Variants in TRAPPC9 observed in about 807,000 individuals in gnomAD.
TRAPPC9 encodes trafficking protein particle complex subunit 9.
In TRAPPC9, 83 loss-of-function variants were observed where a neutral mutation model predicts 124.0. The observed-to-expected ratio is 0.67, with a 90% confidence interval of 0.56 to 0.80. The LOEUF (loss-of-function observed/expected upper bound fraction) is 0.80. Among genes scored for constraint, TRAPPC9 ranks in the 30% least tolerant of loss-of-function variants. TRAPPC9 has a pLI of 0.00. For missense variants in TRAPPC9, 1,302 were observed against 1,508.3 expected (o/e 0.86, Z 2.27); for synonymous variants, 638 against 617.5 (o/e 1.03, Z -0.49).
chr8:140,052,449 C>A (rs544534020), intron 17 of TRAPPC9, among the ~76,000 whole-genome samples: 10 of 152,074 alleles, frequency 6.6e-5, no homozygotes, highest in Non-Finnish European at 8.8e-5. Context: ...CCAGCCTGGG[C>A]AATATGGCAA....
At chr8:139,892,099 G>T (rs907341205) in intron 20 of TRAPPC9, among the ~76,000 whole-genome samples, 1 of 152,196 alleles carries the variant, frequency 6.6e-6, no homozygotes, top group East Asian at 1.9e-4. Context: ...TACATGGGCC[G>T]CCACAAGCAC....
At chr8:140,136,650 C>T (rs1218824717) in intron 17 of TRAPPC9, among the ~76,000 whole-genome samples, 1 of 152,092 alleles carries the variant, frequency 6.6e-6, no homozygotes, top group Admixed American at 6.6e-5. Context: ...CCAGCCTGGC[C>T]AATACGGTGA....
intron 19 of TRAPPC9, 43 bp from the exon 20 acceptor site, chr8:139,910,343 G>A: frequency 1.2e-6 from 2 of 1,607,158 alleles, no homozygotes; most frequent in South Asian, 1.1e-5. Context: ...CATCAGTAGG[G>A]CAATTTCTGC....
At chr8:139,896,114 T>G (rs148674152) in intron 20 of TRAPPC9, among the ~76,000 whole-genome samples, 4 of 152,354 alleles carry the variant, frequency 2.6e-5, no homozygotes, top group Admixed American at 2.6e-4. Context: ...ATTACCTGCA[T>G]GCATATCCGA....
chr8:140,287,979 G>A (rs2065540039), intron 12 of TRAPPC9, among the ~76,000 whole-genome samples: 1 of 152,178 alleles, frequency 6.6e-6, no homozygotes. Flanking sequence ...TTTGCTGTCT[G>A]ATATTTATCA....
At position 140,451,395 on chromosome 8, in the gene TRAPPC9, G is replaced by C. The variant is rs536258902; in HGVS notation, c.-10-12C>G. On this transcript the variant is annotated splice_polypyrimidine_tract_variant and intron_variant, in intron 1 of 22. Coordinates refer to ENST00000438773, the MANE Select transcript of TRAPPC9 (RefSeq NM_001160372.4). The stretch of plus-strand genomic sequence containing the variant: ...TCATTTTGAAGTCCCTGTTCAGAGA[G>C]AAGAAATGAGGCTGTGAGACACAGA... 21 of 1,595,282 alleles carry C rather than the reference G, an allele frequency of 1.3e-5. No homozygotes were observed. In the South Asian group the frequency reaches 2.3e-4, roughly 18 times the overall value.
intron 9 of TRAPPC9, among the ~76,000 whole-genome samples, chr8:140,333,408 T>C (rs556089042): frequency 2.7e-4 from 41 of 152,080 alleles, no homozygotes; most frequent in South Asian, 6.2e-4. Flanking sequence ...GTTGTTGTTG[T>C]TGAGACGGAG....
chr8:140,383,843 C>T (rs1377792508), intron 7 of TRAPPC9, among the ~76,000 whole-genome samples: 1 of 152,140 alleles, frequency 6.6e-6, no homozygotes, highest in Non-Finnish European at 1.5e-5. Context: ...AGAAGAGCAA[C>T]TCCAAGACAC....
intron 18 of TRAPPC9, among the ~76,000 whole-genome samples, chr8:140,018,606 C>T (rs916408777): frequency 1.3e-5 from 2 of 152,084 alleles, no homozygotes; most frequent in African/African-American, 2.4e-5. Context: ...GGATTACAGG[C>T]GTGAGCCACC....
chr8:139,750,960 C>A (rs919762911), intron 21 of TRAPPC9, among the ~76,000 whole-genome samples: 2 of 152,204 alleles, frequency 1.3e-5, no homozygotes, highest in African/African-American at 4.8e-5. Context: ...CTCTGCCAGG[C>A]AGTGTGATGG....
chr8:140,224,390 G>A (rs1312625471), intron 16 of TRAPPC9, among the ~76,000 whole-genome samples: 1 of 152,190 alleles, frequency 6.6e-6, no homozygotes, highest in Non-Finnish European at 1.5e-5. Flanking sequence ...ACATCCCCTA[G>A]AGGTGCCTGC....
intron 15 of TRAPPC9, among the ~76,000 whole-genome samples, chr8:140,254,666 A>T (rs2064205340): frequency 6.6e-6 from 1 of 152,180 alleles, no homozygotes; most frequent in African/African-American, 2.4e-5. Context: ...CCTCCAGCCT[A>T]GGAGGCAGGA....
intron 17 of TRAPPC9, among the ~76,000 whole-genome samples, chr8:140,201,477 G>A (rs1340491101): frequency 2.6e-5 from 4 of 152,216 alleles, no homozygotes; most frequent in African/African-American, 9.6e-5. Context: ...ACAATCATTT[G>A]ATATTTGACA....
At chr8:140,415,840 C>T (rs150206810) in intron 5 of TRAPPC9, among the ~76,000 whole-genome samples, 118 of 152,034 alleles carry the variant, frequency 7.8e-4, no homozygotes, top group Non-Finnish European at 1.2e-3. Flanking sequence ...TGGTGCATAC[C>T]TGAAGTCCTA....
intron 9 of TRAPPC9, among the ~76,000 whole-genome samples, chr8:140,337,621 T>C (rs1162868160): frequency 6.6e-6 from 1 of 152,158 alleles, no homozygotes; most frequent in Non-Finnish European, 1.5e-5. Flanking sequence ...GGCTCTGCCA[T>C]GCAGCACGTG....
chr8:140,338,654 G>C (rs2067109063), intron 9 of TRAPPC9, among the ~76,000 whole-genome samples: 1 of 152,232 alleles, frequency 6.6e-6, no homozygotes, highest in African/African-American at 2.4e-5. Context: ...AGGGGATTAG[G>C]ACACAGGCAC....
Position 140,167,581 on chromosome 8 carries a change from G to A in TRAPPC9, c.2556+53878C>T, listed in dbSNP as rs2061866919. Among the ~76,000 whole-genome samples the A allele has an allele frequency of 2.6e-5, 4 of 152,166 alleles. No individual in the cohort carries two copies. The South Asian group carries it at 8.3e-4, about 32-fold the overall frequency. ...CAAGCCTATGTCTGACTGGCAAAAA[G>A]ACAGCTTCACCTTTAGACATGTGGT... is the stretch of plus-strand genomic sequence containing the variant. On this transcript the variant is annotated intron_variant, in intron 17 of 22. Coordinates refer to ENST00000438773, the MANE Select transcript of TRAPPC9 (RefSeq NM_001160372.4).
intron 7 of TRAPPC9, among the ~76,000 whole-genome samples, chr8:140,388,605 C>T (rs1473648560): frequency 6.6e-6 from 1 of 151,988 alleles, no homozygotes. Context: ...ATCGCTTGAA[C>T]CCAGGAGGCA....
intron 21 of TRAPPC9, among the ~76,000 whole-genome samples, chr8:139,835,215 C>T (rs1826253374): frequency 6.6e-6 from 1 of 152,220 alleles, no homozygotes; most frequent in Non-Finnish European, 1.5e-5. Flanking sequence ...ACCCTCAAAT[C>T]CTCCCCCATC....
Sources: allele counts gnomAD v4.1 joint callset (sites outside exome capture counted in the v4.1 genomes callset), GRCh38; gene constraint gnomAD v4.1.1; transcripts MANE v1.5; gene names NCBI Gene and HGNC (gene_info 2026-07-23, HGNC 2026-07-21).